BARD1: variants seen among roughly 807,000 people sequenced by gnomAD.
BARD1 encodes BRCA1-associated RING domain protein 1.
Under a neutral mutation model 77.0 loss-of-function variants are expected in BARD1, and 73 were observed. The observed-to-expected ratio is 0.95, with a 90% CI of 0.79 to 1.15. The LOEUF is 1.15. Ranked by LOEUF, BARD1 falls within the 50% of genes most tolerant of loss-of-function variation. The pLI is 0.00. For synonymous variants in BARD1, 384 were observed against 338.0 expected (o/e 1.14, Z -1.49); for missense variants, 993 against 938.8 (o/e 1.06, Z -0.75).
chr2:214,784,893 G>A (rs548864459), intron 3 of BARD1, among the ~76,000 whole-genome samples: 140 of 152,184 alleles, frequency 9.2e-4, no homozygotes, highest in African/African-American at 3.3e-3. Flanking sequence ...CGGGGTCAGG[G>A]GAGGGATAGC....
intron 4 of BARD1, 77 bp downstream of exon 4, chr2:214,780,483 C>A: frequency 7.9e-7 from 1 of 1,264,638 alleles, no homozygotes; most frequent in Admixed American, 1.8e-5. Flanking sequence ...AATCCTATGC[C>A]ATTTTTCAAA....
At chr2:214,780,446 T>C (rs1369280708) in intron 4 of BARD1, 114 bp downstream of exon 4, 6 of 900,418 alleles carry the variant, frequency 6.7e-6, no homozygotes, top group Non-Finnish European at 1.1e-5. Context: ...GGAAGTATCA[T>C]GTCTGTGAAA....
At chr2:214,795,010 C>T (rs1205961204) in intron 2 of BARD1, among the ~76,000 whole-genome samples, 3 of 152,120 alleles carry the variant, frequency 2.0e-5, no homozygotes, top group Non-Finnish European at 4.4e-5. Context: ...CCCCACCCCA[C>T]CACACACACA....
At chr2:214,748,260 C>T (rs1331522218) in intron 7 of BARD1, among the ~76,000 whole-genome samples, 1 of 152,042 alleles carries the variant, frequency 6.6e-6, no homozygotes, top group Non-Finnish European at 1.5e-5. Context: ...AAACATAAAG[C>T]AAACAGCTGC....
chr2:214,734,250 G>A (rs1024682820), intron 9 of BARD1, among the ~76,000 whole-genome samples: 2 of 151,838 alleles, frequency 1.3e-5, no homozygotes, highest in Non-Finnish European at 2.9e-5. Flanking sequence ...TAATAAAGCA[G>A]GAAATAATAC....
intron 1 of BARD1, among the ~76,000 whole-genome samples, chr2:214,806,675 A>AC (rs1306010289): frequency 1.3e-5 from 2 of 152,108 alleles, no homozygotes; most frequent in Non-Finnish European, 2.9e-5. Context: ...GGAGTTGGAG[A>AC]CCAGCCTGGC....
chr2:214,731,632 A>G (rs577730837), intron 9 of BARD1, among the ~76,000 whole-genome samples: 2 of 152,322 alleles, frequency 1.3e-5, no homozygotes, highest in East Asian at 1.9e-4. Flanking sequence ...TAAAAACTAG[A>G]TACTACAATG....
chr2:214,749,720 T>C (rs1693312411), intron 7 of BARD1, among the ~76,000 whole-genome samples: 3 of 151,908 alleles, frequency 2.0e-5, no homozygotes, highest in Admixed American at 2.0e-4. Flanking sequence ...CTGAATTGAG[T>C]ACCGACCTAA....
intron 10 of BARD1, among the ~76,000 whole-genome samples, chr2:214,729,622 G>A (rs1692261681): frequency 6.6e-6 from 1 of 151,850 alleles, no homozygotes; most frequent in Admixed American, 6.6e-5. Context: ...AGATATGCTT[G>A]GTATAAAGAA....
At chr2:214,763,681 G>GA (rs1386977285) in intron 6 of BARD1, among the ~76,000 whole-genome samples, 2 of 152,180 alleles carry the variant, frequency 1.3e-5, no homozygotes. Context: ...TGGTTATTGA[G>GA]AAAAGAGTTC....
At chr2:214,788,273 G>C (rs1186235548) in intron 3 of BARD1, among the ~76,000 whole-genome samples, 1 of 151,668 alleles carries the variant, frequency 6.6e-6, no homozygotes, top group Non-Finnish European at 1.5e-5. Flanking sequence ...TAGGGTTGAA[G>C]AGAAAATAAA....
rs774352844 is a variant in BARD1, at chr2:214,745,808, C to T, written c.1724G>A (p.Ser575Asn). 4 of 1,613,910 alleles carry T rather than the reference C, an allele frequency of 2.5e-6. No homozygotes were observed. In the African/African-American group the frequency reaches 5.3e-5, roughly 22 times the overall value. Reference protein sequence around the residue: ...RRDGPLVLIGSGLSSEQQKML... With the variant: ...RRDGPLVLIGNGLSSEQQKML... ...TTTCTGTTGTTCTGAAGACAGCCCACTGCCTATAAGTACAAGAGGTCCATC... is the reference window on the plus strand; with the variant it reads ...TTTCTGTTGTTCTGAAGACAGCCCATTGCCTATAAGTACAAGAGGTCCATC... The change falls in exon 8 of 11, where the codon AGT becomes AAT. Residue 575 changes from serine to asparagine, a missense_variant. Coordinates refer to ENST00000260947, the MANE Select transcript of BARD1 (RefSeq NM_000465.4).
intron 4 of BARD1, among the ~76,000 whole-genome samples, chr2:214,777,798 G>C (rs1694799538): frequency 1.3e-5 from 2 of 152,160 alleles, no homozygotes; most frequent in South Asian, 4.1e-4. Flanking sequence ...AAGCAGGTGG[G>C]TGCAAAATAT....
intron 7 of BARD1, among the ~76,000 whole-genome samples, chr2:214,750,851 G>A (rs921500676): frequency 1.3e-5 from 2 of 151,940 alleles, no homozygotes; most frequent in Non-Finnish European, 2.9e-5. Flanking sequence ...AACTGAGGAT[G>A]GCAAGGTAAA....
intron 6 of BARD1, 138 bp from the exon 7 acceptor site, chr2:214,752,693 A>T: frequency 1.4e-6 from 1 of 712,352 alleles, no homozygotes; most frequent in Non-Finnish European, 2.5e-6. Flanking sequence ...TCTAGAATCA[A>T]AAGCTGCTGA....
In BARD1 at chr2:214,738,812, A is replaced by T. The variant is rs1559380563; in HGVS notation, c.1903+6255T>A. Among the ~76,000 whole-genome samples the T allele has an allele frequency of 2.0e-5, 3 of 152,058 alleles. No individual in the cohort carries two copies. The South Asian group carries it at 6.2e-4, about 32-fold the overall frequency. On this transcript the variant is annotated intron_variant, in intron 9 of 10. Transcript: ENST00000260947. ...GGAAAGCCATACTTAGAATTTTCTC[A>T]CTCTTCAAATCCCAGAGTAGTAAAC...
At chr2:214,755,614 TG>T (rs1281603522) in intron 6 of BARD1, among the ~76,000 whole-genome samples, 2 of 152,164 alleles carry the variant, frequency 1.3e-5, no homozygotes, top group Non-Finnish European at 2.9e-5. Context: ...AACTGGAATA[TG>T]GTGGTTAACT....
At position 214,742,583 on chromosome 2, in the gene BARD1, A is replaced by T. The variant is rs2106013204; in HGVS notation, c.1903+2484T>A. 1.3e-5 allele frequency among the ~76,000 whole-genome samples: 2 copies of T among 152,244 alleles called. 1 individual carries two copies. The highest frequency in any genetic ancestry group is 6.8e-3 in the Middle Eastern group (2 of 294). ...CTAAAAGAACCATTGATATTAGAGG[A>T]TGTTATTCACTACTGTCAGAATCAC... On this transcript the variant is annotated intron_variant, in intron 9 of 10. Coordinates refer to ENST00000260947, the MANE Select transcript of BARD1 (RefSeq NM_000465.4).
chr2:214,734,715 A>G lies in BARD1; in HGVS notation c.1904-4207T>C, dbSNP rs75895621. 5.9e-3 allele frequency among the ~76,000 whole-genome samples: 895 copies of G among 152,346 alleles called. 11 individuals are homozygous for G. Among genetic ancestry groups the G allele is most frequent in the African/African-American group, 0.02 (825 of 41,594 alleles). ...ACCAATATTTTCTGGTCAAAGGAGA[A>G]AAAGAAAATTCTTAAAATACCAATT... On this transcript the variant is annotated intron_variant, in intron 9 of 10. Coordinates refer to ENST00000260947, the MANE Select transcript of BARD1 (RefSeq NM_000465.4).
Sources: gnomAD v4.1 joint callset for allele counts (sites outside exome capture counted in the v4.1 genomes callset) on GRCh38, gnomAD v4.1.1 for gene constraint, MANE v1.5 for transcripts, NCBI Gene and HGNC (gene_info 2026-07-23, HGNC 2026-07-21) for gene names.